Variants in FGD3 observed in about 807,000 individuals in gnomAD.
FGD3 encodes FYVE, RhoGEF and PH domain-containing protein 3.
A neutral mutation model predicts 71.8 loss-of-function variants in FGD3; 45 were observed. The observed-to-expected ratio is 0.63, with a 90% CI of 0.49 to 0.80. The LOEUF is 0.80. Among genes scored for constraint, FGD3 ranks in the 30% least tolerant of loss-of-function variants. The pLI, the probability that FGD3 is intolerant of heterozygous loss-of-function variation, is 0.00. For synonymous variants in FGD3, 378 were observed against 392.8 expected, an observed-to-expected ratio of 0.96 and a Z score of 0.44; for missense variants, 844 against 951.5, an observed-to-expected ratio of 0.89 and a Z score of 1.49.
At chr9:92,972,075 C>G (rs980095959) in intron 1 of FGD3, among the ~76,000 whole-genome samples, 7 of 150,780 alleles carry the variant, frequency 4.6e-5, no homozygotes, top group African/African-American at 1.7e-4. Context: ...TGAGAAAACA[C>G]AGTAGGTCTT....
At chr9:92,986,684 A>G (rs1246558034) in intron 3 of FGD3, among the ~76,000 whole-genome samples, 2 of 152,264 alleles carry the variant, frequency 1.3e-5, no homozygotes, top group African/African-American at 2.4e-5. Context: ...TTAAAGGACC[A>G]CAGAGTGAGG....
At chr9:93,011,381 G>GTGAC (rs965452425) in intron 8 of FGD3, 109 bp downstream of exon 8, 1 of 1,363,800 alleles carries the variant, frequency 7.3e-7, no homozygotes, top group African/African-American at 1.4e-5. Flanking sequence ...GGCTCCACAA[G>GTGAC]TGACTCTTTT....
chr9:92,951,318 A>T lies in FGD3; in HGVS notation c.-218+3589A>T, dbSNP rs185336080. On this transcript the variant is annotated intron_variant, in intron 1 of 17. Transcript: ENST00000375482. ...TTGCTTCTCAGAATATGCCAGCTAG[A>T]CACAACCCATAAGGTAGAATTTTTC... 8.9e-4 allele frequency among the ~76,000 whole-genome samples: 136 copies of T among 152,312 alleles called. 2 individuals carry two copies. The highest frequency in any genetic ancestry group is 2.8e-4 in the Non-Finnish European group (19 of 68,034).
chr9:93,016,362 C>T (rs1199917706), intron 10 of FGD3, among the ~76,000 whole-genome samples: 11 of 64,612 alleles, frequency 1.7e-4, no homozygotes, highest in Admixed American at 1.7e-3. Flanking sequence ...TTTTTTGAGA[C>T]GGAGTCTCGC....
Position 93,000,386 on chromosome 9 carries a change from T to C in FGD3, c.454-2539T>C, listed in dbSNP as rs566365820. ...TGTTCACCTTCACTGAAGAACTTTATATTATCCTGTGGTTTTGTGTTGCTT... is the reference window on the plus strand; with the variant it reads ...TGTTCACCTTCACTGAAGAACTTTACATTATCCTGTGGTTTTGTGTTGCTT... On this transcript the variant is annotated intron_variant, in intron 3 of 17. Transcript: ENST00000375482. Among the ~76,000 whole-genome samples the C allele has an allele frequency of 7.9e-5, 12 of 152,372 alleles. No individual in the cohort carries two copies. The East Asian group carries it at 2.3e-3, about 29-fold the overall frequency.
intron 1 of FGD3, among the ~76,000 whole-genome samples, chr9:92,963,114 C>A (rs1044690324): frequency 6.6e-6 from 1 of 151,980 alleles, no homozygotes; most frequent in Non-Finnish European, 1.5e-5. Flanking sequence ...ATCACCTCAG[C>A]CTTTAGCTTT....
intron 1 of FGD3, among the ~76,000 whole-genome samples, chr9:92,967,271 C>A (rs946880632): frequency 6.6e-6 from 1 of 151,930 alleles, no homozygotes; most frequent in Non-Finnish European, 1.5e-5. Context: ...CCTCCTTCAT[C>A]GTTTTTAAGT....
chr9:92,965,998 C>A (rs1859309296), intron 1 of FGD3, among the ~76,000 whole-genome samples: 1 of 152,222 alleles, frequency 6.6e-6, no homozygotes, highest in African/African-American at 2.4e-5. Flanking sequence ...GGAGGAAGAG[C>A]AGAGCCGGGC....
At chr9:92,976,137 T>G in intron 2 of FGD3, 71 bp from the exon 3 acceptor site, 6 of 921,242 alleles carry the variant, frequency 6.5e-6, no homozygotes, top group Non-Finnish European at 9.6e-6. Flanking sequence ...GGAGCTGCAT[T>G]TGGGGGTTGC....
In FGD3 at chr9:92,976,352, T is replaced by C; in HGVS notation, c.96T>C (p.Leu32=). The C allele has an allele frequency of 6.2e-7, 1 of 1,610,766 alleles. No homozygotes were observed. Among genetic ancestry groups the C allele is most frequent in the East Asian group, 2.2e-5 (1 of 44,846 alleles). ...TGPGSSSLGK[L]QALPVGPRAH... ...CTGGCAGTTCCTCCCTAGGGAAGCT[T>C]CAGGCGCTCCCTGTTGGGCCCAGAG... Residue 32 remains leucine, a synonymous_variant, in exon 3 of 18, where the codon CTT becomes CTC. Transcript: ENST00000375482.
At chr9:92,952,234 T>G (rs1858965909) in intron 1 of FGD3, among the ~76,000 whole-genome samples, 2 of 70,428 alleles carry the variant, frequency 2.8e-5, no homozygotes, top group Admixed American at 2.7e-4. Context: ...TGAAAGTCAA[T>G]TTTTTTTTTT....
At chr9:93,013,045 C>T (rs1861500794) in intron 8 of FGD3, among the ~76,000 whole-genome samples, 1 of 152,184 alleles carries the variant, frequency 6.6e-6, no homozygotes, top group Non-Finnish European at 1.5e-5. Context: ...GGCAGGTGCA[C>T]ACCCAGCTCC....
At chr9:92,994,856 A>G (rs765036630) in intron 3 of FGD3, among the ~76,000 whole-genome samples, 3 of 152,158 alleles carry the variant, frequency 2.0e-5, no homozygotes, top group Non-Finnish European at 1.5e-5. Context: ...TACCAGTACC[A>G]TGCTGTTTTG....
chr9:92,997,877 C>T (rs1483731979), intron 3 of FGD3, among the ~76,000 whole-genome samples: 1 of 152,188 alleles, frequency 6.6e-6, no homozygotes, highest in African/African-American at 2.4e-5. Flanking sequence ...GATAACCCAA[C>T]CTTTCTCTCT....
chr9:92,965,947 G>T (rs1859307023), intron 1 of FGD3, among the ~76,000 whole-genome samples: 1 of 152,206 alleles, frequency 6.6e-6, no homozygotes, highest in Non-Finnish European at 1.5e-5. Context: ...GAACAAGGAG[G>T]CTCGGAGGCA....
intron 12 of FGD3, 149 bp from the exon 13 acceptor site, chr9:93,020,168 G>T: frequency 1.4e-6 from 1 of 725,730 alleles, no homozygotes; most frequent in Non-Finnish European, 2.2e-6. Flanking sequence ...CCACATCATT[G>T]GTAGGGGGGA....
In FGD3 at chr9:93,035,529, G is replaced by A. The variant is rs149091212; in HGVS notation, c.2118G>A (p.Thr706=). 2,517 of 1,611,646 alleles carry A rather than the reference G, an allele frequency of 1.6e-3. 8 individuals carry two copies. The highest frequency in any genetic ancestry group is 5.2e-3 in the Middle Eastern group (30 of 5,766). ...TAAGCACTGCTGCCCATGGGGACAC[G>A]GCCCAGGACAGCCCGGGGGCCCTGC... ...ETLSTAAHGD[T]AQDSPGALQL... The change falls in exon 18 of 18, where the codon ACG becomes ACA. Residue 706 remains threonine (T), a synonymous_variant. Transcript: ENST00000375482.
intron 3 of FGD3, among the ~76,000 whole-genome samples, chr9:93,000,263 C>A (rs1860812266): frequency 6.6e-6 from 1 of 152,112 alleles, no homozygotes; most frequent in South Asian, 2.1e-4. Flanking sequence ...ATGAATTCAT[C>A]TTTATTTATT....
chr9:92,991,430 T>C (rs1428153658), intron 3 of FGD3, among the ~76,000 whole-genome samples: 1 of 152,134 alleles, frequency 6.6e-6, no homozygotes, highest in Non-Finnish European at 1.5e-5. Context: ...TTCAGGAGCA[T>C]GTTATTTAAT....
Sources: gnomAD v4.1 joint callset for allele counts (sites outside exome capture counted in the v4.1 genomes callset) on GRCh38, gnomAD v4.1.1 for gene constraint, MANE v1.5 for transcripts, NCBI Gene and HGNC (gene_info 2026-07-23, HGNC 2026-07-21) for gene names.